The following KCNK1 variants were observed in gnomAD, a reference collection of about 807,000 sequenced individuals.
KCNK1 encodes the protein potassium two pore domain channel subfamily K member 1.
Under a neutral mutation model 22.2 loss-of-function variants are expected in KCNK1, and 10 were observed. That is an observed-to-expected ratio of 0.45 (90% CI 0.28 to 0.76). The LOEUF is 0.76. Among genes scored for constraint, KCNK1 ranks in the 30% least tolerant of loss-of-function variants. The pLI is 0.14. For missense variants in KCNK1, 378 were observed against 421.0 expected, an observed-to-expected ratio of 0.90 and a Z score of 0.89; for synonymous variants, 200 against 186.4, an observed-to-expected ratio of 1.07 and a Z score of -0.60.
intron 1 of KCNK1, among the ~76,000 whole-genome samples, chr1:233,617,751 C>T (rs1204699971): frequency 6.6e-6 from 1 of 152,146 alleles, no homozygotes; most frequent in Non-Finnish European, 1.5e-5. Context: ...CTAGCCTAGG[C>T]AACAGAGTGA....
chr1:233,623,662 C>T (rs748043258), intron 1 of KCNK1, among the ~76,000 whole-genome samples: 7 of 152,344 alleles, frequency 4.6e-5, no homozygotes, highest in Non-Finnish European at 8.8e-5. Context: ...GATCTCAGAT[C>T]GCTGCAACCT....
intron 1 of KCNK1, among the ~76,000 whole-genome samples, chr1:233,634,848 A>G (rs996398833): frequency 8.5e-5 from 13 of 152,244 alleles, no homozygotes; most frequent in African/African-American, 3.1e-4. Context: ...ATTTGCCAGT[A>G]TGTCCTGCTG....
intron 1 of KCNK1, among the ~76,000 whole-genome samples, chr1:233,643,291 T>C (rs866700922): frequency 6.6e-6 from 1 of 152,206 alleles, no homozygotes; most frequent in Middle Eastern, 3.4e-3. Context: ...TAAGGGACTT[T>C]GAGCAGAGAG....
chr1:233,643,636 A>G (rs1658040199), intron 1 of KCNK1, among the ~76,000 whole-genome samples: 1 of 151,984 alleles, frequency 6.6e-6, no homozygotes, highest in Non-Finnish European at 1.5e-5. Flanking sequence ...TGGGCTGCCC[A>G]CCAGGTCTTA....
At chr1:233,641,665 C>T (rs1176148842) in intron 1 of KCNK1, among the ~76,000 whole-genome samples, 2 of 152,120 alleles carry the variant, frequency 1.3e-5, no homozygotes, top group Non-Finnish European at 2.9e-5. Flanking sequence ...TGGAATTTCT[C>T]CTCAACCCTC....
At chr1:233,648,167 A>G (rs1177755059) in intron 1 of KCNK1, among the ~76,000 whole-genome samples, 2 of 152,204 alleles carry the variant, frequency 1.3e-5, no homozygotes, top group Non-Finnish European at 2.9e-5. Flanking sequence ...TTTATGTGGT[A>G]AGATATACTT....
At chr1:233,632,076 A>T (rs1657807308) in intron 1 of KCNK1, among the ~76,000 whole-genome samples, 1 of 152,204 alleles carries the variant, frequency 6.6e-6, no homozygotes, top group Admixed American at 6.5e-5. Flanking sequence ...TGCTGTGCTT[A>T]CTGGAACAGG....
At chr1:233,661,394 T>C (rs1308343497) in intron 1 of KCNK1, among the ~76,000 whole-genome samples, 1 of 152,186 alleles carries the variant, frequency 6.6e-6, no homozygotes, top group Non-Finnish European at 1.5e-5. Context: ...AGGAATGCCA[T>C]TGCCTCTCTG....
At position 233,666,820 on chromosome 1, in the gene KCNK1, G is replaced by T. The variant is rs927148226; in HGVS notation, c.581G>T (p.Cys194Phe). ...CTCCTTGGGTTTGTCACTGTGTCCT[G>T]CTTCTTCTTCATCCCGGCCGCTGTC... ...AVLLGFVTVS[C>F]FFFIPAAVFS... Residue 194 changes from cysteine (C) to phenylalanine (F), a missense_variant, in exon 2 of 3, where the codon TGC becomes TTC. Transcript: ENST00000366621. 6.2e-7 allele frequency: 1 copy of T among 1,614,078 alleles called. No homozygotes were observed. The highest frequency in any genetic ancestry group is 1.7e-5 in the Admixed American group (1 of 60,002).
chr1:233,634,121 CA>C (rs1200236164), intron 1 of KCNK1, among the ~76,000 whole-genome samples: 1 of 151,960 alleles, frequency 6.6e-6, no homozygotes, highest in Non-Finnish European at 1.5e-5. Context: ...GCCTGGCCAA[CA>C]CAGTGAAACC....
chr1:233,661,521 T>TG (rs1455992467), intron 1 of KCNK1, among the ~76,000 whole-genome samples: 1 of 152,196 alleles, frequency 6.6e-6, no homozygotes, highest in Non-Finnish European at 1.5e-5. Flanking sequence ...CTAGACCACT[T>TG]GCACCTGCCA....
chr1:233,662,682 C>T lies in KCNK1; in HGVS notation c.356-3913C>T, dbSNP rs900666034. 3.9e-5 allele frequency among the ~76,000 whole-genome samples: 6 copies of T among 152,168 alleles called. No individual in the cohort carries two copies. In the East Asian group the frequency reaches 5.8e-4, roughly 15 times the overall value. ...GTCATCATTACAACCACCCATTATA[C>T]GTATACTCATACATGCCTCACAGAT... On this transcript the variant is annotated intron_variant, in intron 1 of 2. Transcript: ENST00000366621.
At chr1:233,622,351 T>A (rs1657604154) in intron 1 of KCNK1, among the ~76,000 whole-genome samples, 1 of 152,224 alleles carries the variant, frequency 6.6e-6, no homozygotes, top group East Asian at 1.9e-4. Flanking sequence ...CCAATTGTAT[T>A]ATTGACAAAT....
intron 1 of KCNK1, among the ~76,000 whole-genome samples, chr1:233,628,564 A>G (rs564150223): frequency 2.7e-4 from 41 of 152,242 alleles, no homozygotes; most frequent in Middle Eastern, 3.4e-3. Context: ...GTTCGAGACC[A>G]GTCTGGCCAA....
chr1:233,627,166 A>G (rs1327979316), intron 1 of KCNK1, among the ~76,000 whole-genome samples: 2 of 152,222 alleles, frequency 1.3e-5, no homozygotes. Flanking sequence ...TTGTTGCTTT[A>G]CTGTTTGAAA....
rs991943480 is a variant in KCNK1 at position 233,638,921 on chromosome 1, C to T, written c.355+24395C>T. Among the ~76,000 whole-genome samples the T allele has an allele frequency of 7.9e-5, 12 of 152,244 alleles. 1 individual carries two copies. The South Asian group carries it at 2.5e-3, about 32-fold the overall frequency. Reference sequence around the variant, plus strand: ...GTGGCAGTTACATGTTTCCCACTACCTCGGGGTAAATGTCCACAAAAAAAT... The same window carrying T: ...GTGGCAGTTACATGTTTCCCACTACTTCGGGGTAAATGTCCACAAAAAAAT... On this transcript the variant is annotated intron_variant, in intron 1 of 2. Coordinates refer to ENST00000366621, the MANE Select transcript of KCNK1 (RefSeq NM_002245.4).
intron 1 of KCNK1, chr1:233,660,559 T>C (rs1298006974): frequency 6.6e-6 from 1 of 152,246 alleles, no homozygotes; most frequent in Non-Finnish European, 1.5e-5. Flanking sequence ...ATGAAAGGCA[T>C]GTAGGTTATG....
At chr1:233,657,372 A>C (rs564679432) in intron 1 of KCNK1, among the ~76,000 whole-genome samples, 1 of 152,268 alleles carries the variant, frequency 6.6e-6, no homozygotes, top group South Asian at 2.1e-4. Context: ...ATATGTGGTA[A>C]AAGCTGGATA....
chr1:233,665,975 G>A (rs1339977703), intron 1 of KCNK1, among the ~76,000 whole-genome samples: 2 of 152,222 alleles, frequency 1.3e-5, no homozygotes, highest in African/African-American at 4.8e-5. Flanking sequence ...CTGTATACAA[G>A]TGCTTGATCC....
Sources: allele counts gnomAD v4.1 joint callset (sites outside exome capture counted in the v4.1 genomes callset), GRCh38; gene constraint gnomAD v4.1.1; transcripts MANE v1.5; gene names NCBI Gene and HGNC (gene_info 2026-07-23, HGNC 2026-07-21).